The following SETBP1 variants were observed in gnomAD, a reference collection of about 807,000 sequenced individuals.
SETBP1 encodes SET-binding protein.
Under a neutral mutation model 101.0 loss-of-function variants are expected in SETBP1, and 9 were observed. The observed-to-expected ratio is 0.09, with a 90% CI of 0.05 to 0.16. The LOEUF (loss-of-function observed/expected upper bound fraction) is 0.16. Among genes scored for constraint, SETBP1 ranks in the 10% least tolerant of loss-of-function variants. The pLI is 1.00. For missense variants in SETBP1, 1,858 were observed against 2,033.8 expected (o/e 0.91, Z 1.66); for synonymous variants, 818 against 788.5 (o/e 1.04, Z -0.63).
In SETBP1 at chr18:44,826,014, C is replaced by G. The variant is rs868275389; in HGVS notation, c.487-43216C>G. Among the ~76,000 whole-genome samples the G allele has an allele frequency of 1.1e-4, 17 of 152,286 alleles. 1 individual carries two copies. In the Middle Eastern group the frequency reaches 0.02, roughly 183 times the overall value. On this transcript the variant is annotated intron_variant, in intron 2 of 5. Transcript: ENST00000649279. ...AAGAGTTAAATGCATAAGCAAACGA[C>G]TTGCATAATACCTGGAATTTAGTAG...
At chr18:44,868,673 A>C (rs1206738286) in intron 2 of SETBP1, among the ~76,000 whole-genome samples, 3 of 117,314 alleles carry the variant, frequency 2.6e-5, no homozygotes, top group African/African-American at 8.9e-5. Context: ...CCAGCGAGAG[A>C]GAGAGAGAGA....
chr18:45,018,448 A>G (rs1024109950), intron 4 of SETBP1, among the ~76,000 whole-genome samples: 1 of 152,122 alleles, frequency 6.6e-6, no homozygotes, highest in African/African-American at 2.4e-5. Context: ...TGATCATGTG[A>G]CCTCTCACTA....
chr18:44,867,735 T>A (rs889791588), intron 2 of SETBP1, among the ~76,000 whole-genome samples: 1 of 142,828 alleles, frequency 7.0e-6, no homozygotes, highest in Non-Finnish European at 1.5e-5. Flanking sequence ...GGATGGGGAA[T>A]GGGGGGGTGG....
chr18:44,726,751 A>C (rs1451389579), intron 2 of SETBP1, among the ~76,000 whole-genome samples: 3 of 152,188 alleles, frequency 2.0e-5, no homozygotes, highest in Admixed American at 6.5e-5. Flanking sequence ...ATTTTTAATA[A>C]ATGCCTCAAG....
chr18:44,847,328 C>T (rs1326822686), intron 2 of SETBP1, among the ~76,000 whole-genome samples: 2 of 152,212 alleles, frequency 1.3e-5, no homozygotes, highest in Non-Finnish European at 2.9e-5. Context: ...CGCAGTTCTG[C>T]CACGGTGCCT....
intron 2 of SETBP1, among the ~76,000 whole-genome samples, chr18:44,860,768 A>G (rs1239213803): frequency 6.6e-6 from 1 of 152,210 alleles, no homozygotes; most frequent in Non-Finnish European, 1.5e-5. Flanking sequence ...AAAAGTATAA[A>G]GAAAGAAAGG....
chr18:44,925,262 C>A (rs1299132325), intron 3 of SETBP1, among the ~76,000 whole-genome samples: 2 of 151,692 alleles, frequency 1.3e-5, no homozygotes, highest in East Asian at 1.9e-4. Context: ...TACTTAAGAA[C>A]CTCCTTTCAT....
intron 4 of SETBP1, among the ~76,000 whole-genome samples, chr18:44,958,298 T>C (rs540696767): frequency 2.0e-5 from 3 of 152,338 alleles, no homozygotes; most frequent in African/African-American, 7.2e-5. Flanking sequence ...TATATTAATC[T>C]ATGAGACTCA....
intron 3 of SETBP1, among the ~76,000 whole-genome samples, chr18:44,945,812 A>T (rs1040887390): frequency 2.6e-5 from 4 of 152,180 alleles, no homozygotes; most frequent in Non-Finnish European, 5.9e-5. Flanking sequence ...GAAAAAGGAG[A>T]TGTGGTGCAT....
At chr18:45,008,633 A>T (rs1485926678) in intron 4 of SETBP1, among the ~76,000 whole-genome samples, 1 of 152,224 alleles carries the variant, frequency 6.6e-6, no homozygotes, top group Non-Finnish European at 1.5e-5. Context: ...CAGATATCTA[A>T]GCCTCAATGT....
rs1357754516 is a variant in SETBP1 at position 45,064,296 on chromosome 18, G to A, written c.*598G>A. 2 of 152,322 alleles carry A rather than the reference G, an allele frequency of 1.3e-5. No individual in the cohort carries two copies. The highest frequency in any genetic ancestry group is 4.8e-5 in the African/African-American group (2 of 41,438). The allele number at this position is 152,322 out of a possible 1,614,324, so 9.4% of individuals were successfully genotyped here. A position where few individuals can be genotyped will look rare whatever the true frequency, so the allele number is the denominator to read the frequency against. ...TGTGATCAGAAGGTGGAATTCTAGT[G>A]ATAGGCGACCTCAGACCCGCATTCA... On this transcript the variant is annotated 3_prime_UTR_variant, in exon 6 of 6. Transcript: ENST00000649279.
chr18:44,807,299 T>C (rs1363053339), intron 2 of SETBP1, among the ~76,000 whole-genome samples: 1 of 152,136 alleles, frequency 6.6e-6, no homozygotes, highest in Non-Finnish European at 1.5e-5. Context: ...CATTTTTCCA[T>C]CTTAAGAGTC....
At chr18:44,884,600 T>C (rs1186595322) in intron 3 of SETBP1, among the ~76,000 whole-genome samples, 2 of 152,232 alleles carry the variant, frequency 1.3e-5, no homozygotes, top group Non-Finnish European at 2.9e-5. Flanking sequence ...AGAAGGTCAT[T>C]AGGAAAAATG....
chr18:44,713,463 G>T (rs1053803819), intron 2 of SETBP1, among the ~76,000 whole-genome samples: 1 of 152,004 alleles, frequency 6.6e-6, no homozygotes, highest in Non-Finnish European at 1.5e-5. Context: ...GTATTCCATG[G>T]TTTCCTGGTG....
At chr18:44,807,309 CT>C (rs35461152) in intron 2 of SETBP1, among the ~76,000 whole-genome samples, 1,580 of 148,684 alleles carry the variant, frequency 0.011, 13 homozygotes, top group Non-Finnish European at 0.016. Flanking sequence ...TCTTAAGAGT[CT>C]TTTTTTTTTC....
At chr18:44,789,275 C>T (rs774539378) in intron 2 of SETBP1, among the ~76,000 whole-genome samples, 1 of 152,168 alleles carries the variant, frequency 6.6e-6, no homozygotes, top group African/African-American at 2.4e-5. Context: ...CATTTAACTT[C>T]CCCAGTCCTC....
intron 3 of SETBP1, among the ~76,000 whole-genome samples, chr18:44,897,192 T>C (rs1220487827): frequency 6.6e-6 from 1 of 152,192 alleles, no homozygotes; most frequent in Non-Finnish European, 1.5e-5. Flanking sequence ...TTGGGGGCCA[T>C]TTGAAACCCA....
At chr18:44,884,586 C>A (rs1199133233) in intron 3 of SETBP1, among the ~76,000 whole-genome samples, 1 of 152,102 alleles carries the variant, frequency 6.6e-6, no homozygotes, top group Non-Finnish European at 1.5e-5. Flanking sequence ...ATTCAGAAGC[C>A]AGAAGAAGGT....
rs1305739581 is a variant in SETBP1, at chr18:44,699,829, A to G, written c.-172-1346A>G. Among the ~76,000 whole-genome samples, 3 of 152,190 alleles carry G rather than the reference A, an allele frequency of 2.0e-5. No individual in the cohort carries two copies. In the East Asian group the frequency reaches 5.8e-4, roughly 29 times the overall value. On this transcript the variant is annotated intron_variant, in intron 1 of 5. Coordinates refer to ENST00000649279, the MANE Select transcript of SETBP1 (RefSeq NM_015559.3). Reference sequence around the variant, plus strand: ...TGGCTTCCTCACAGGGCGTCAGCTAAAAATGTGCTGATTCTGGAGACAGAA... The same window carrying G: ...TGGCTTCCTCACAGGGCGTCAGCTAGAAATGTGCTGATTCTGGAGACAGAA...
Sources: allele counts gnomAD v4.1 joint callset (sites outside exome capture counted in the v4.1 genomes callset), GRCh38; gene constraint gnomAD v4.1.1; transcripts MANE v1.5; gene names NCBI Gene and HGNC (gene_info 2026-07-23, HGNC 2026-07-21).